The following SYN2 variants were observed in gnomAD, a reference collection of about 807,000 sequenced individuals.
The protein encoded by SYN2 is synapsin-2.
A neutral mutation model predicts 50.9 loss-of-function variants in SYN2; 19 were observed. That is an observed-to-expected ratio of 0.37 (90% CI 0.26 to 0.55). The LOEUF is 0.55. Among genes scored for constraint, SYN2 ranks in the 20% least tolerant of loss-of-function variants. The pLI, the probability that SYN2 is intolerant of heterozygous loss-of-function variation, is 0.81. For synonymous variants in SYN2, 255 were observed against 224.9 expected (o/e 1.13, Z -1.20); for missense variants, 587 against 576.4 (o/e 1.02, Z -0.19).
chr3:12,167,575 T>C (rs137886308), intron 8 of SYN2, among the ~76,000 whole-genome samples: 3,501 of 151,928 alleles, frequency 0.023, 71 homozygotes, highest in Non-Finnish European at 0.03. Context: ...TTTTGTACAG[T>C]CTGCAGAACC....
chr3:12,152,707 A>C (rs1250919196), intron 5 of SYN2, among the ~76,000 whole-genome samples: 1 of 152,204 alleles, frequency 6.6e-6, no homozygotes, highest in Non-Finnish European at 1.5e-5. Flanking sequence ...TGTAAGAAAA[A>C]GGCTTTGTGG....
At chr3:12,169,547 C>A (rs572653579) in intron 9 of SYN2, among the ~76,000 whole-genome samples, 1 of 152,086 alleles carries the variant, frequency 6.6e-6, no homozygotes, top group African/African-American at 2.4e-5. Context: ...ACGGGTAAAG[C>A]TTGGGGAAAA....
At position 12,187,405 on chromosome 3, in the gene SYN2, G is replaced by A; in HGVS notation, c.1406G>A (p.Gly469Asp). 4 of 1,550,432 alleles carry A rather than the reference G, an allele frequency of 2.6e-6. No homozygotes were observed. The highest frequency in any genetic ancestry group is 3.5e-6 in the Non-Finnish European group (4 of 1,145,876). ...CAACCCCAAGGAATGCAGCCCCCAG[G>A]CAAGGTGCTGCCTCCACGCCGGCTC... is the stretch of plus-strand genomic sequence containing the variant. ...PGQPQGMQPP[G>D]KVLPPRRLPP... The change falls in exon 12 of 13, where the codon GGC becomes GAC. Residue 469 changes from glycine (G) to aspartate (D), a missense_variant. By Grantham distance (94) the Gly-to-Asp change is moderately conservative. Coordinates refer to ENST00000621198, the MANE Select transcript of SYN2 (RefSeq NM_133625.6).
chr3:12,161,910 G>A (rs115831878), intron 6 of SYN2, 102 bp from the exon 7 acceptor site: 327 of 1,494,258 alleles, frequency 2.2e-4, no homozygotes, highest in Non-Finnish European at 2.4e-4. Context: ...TGTCTGGATC[G>A]GATACATATT....
At chr3:12,183,895 A>G (rs935094257) in intron 11 of SYN2, 28 of 1,016,752 alleles carry the variant, frequency 2.8e-5, no homozygotes, top group East Asian at 2.2e-4. Flanking sequence ...TCCCTCCACC[A>G]GTGTGCTTGG....
intron 7 of SYN2, among the ~76,000 whole-genome samples, chr3:12,166,216 T>C (rs1221944423): frequency 3.3e-5 from 5 of 152,200 alleles, no homozygotes; most frequent in Non-Finnish European, 5.9e-5. Flanking sequence ...TCTAACAGTA[T>C]TGAATGATAA....
Position 12,014,427 on chromosome 3 carries a change from A to T in SYN2, c.377+9499A>T, listed in dbSNP as rs545647860. Among the ~76,000 whole-genome samples, 5 of 152,306 alleles carry T rather than the reference A, an allele frequency of 3.3e-5. No homozygotes were observed. The South Asian group carries it at 1.0e-3, about 32-fold the overall frequency. ...TGCTTTCACTCTTATGTCCTATGAA[A>T]TATAAATTAATTACTAATTTTCAAC... is the stretch of plus-strand genomic sequence containing the variant. On this transcript the variant is annotated intron_variant, in intron 1 of 12. Coordinates refer to ENST00000621198, the MANE Select transcript of SYN2 (RefSeq NM_133625.6).
chr3:12,119,023 C>T (rs1022565114), intron 1 of SYN2, among the ~76,000 whole-genome samples: 1 of 152,176 alleles, frequency 6.6e-6, no homozygotes, highest in Non-Finnish European at 1.5e-5. Context: ...CTCATTTGCA[C>T]TTGTGGTTGA....
intron 1 of SYN2, among the ~76,000 whole-genome samples, chr3:12,072,842 G>A (rs1002836374): frequency 6.6e-6 from 1 of 152,094 alleles, no homozygotes; most frequent in African/African-American, 2.4e-5. Flanking sequence ...CCACGGGCTT[G>A]ATCTCTGTGT....
At chr3:12,009,051 G>A (rs1693861016) in intron 1 of SYN2, among the ~76,000 whole-genome samples, 1 of 152,168 alleles carries the variant, frequency 6.6e-6, no homozygotes, top group Non-Finnish European at 1.5e-5. Context: ...ACTTGAATTT[G>A]AACTTGAAAG....
chr3:12,093,076 A>G (rs906878269), intron 1 of SYN2, among the ~76,000 whole-genome samples: 3 of 152,194 alleles, frequency 2.0e-5, no homozygotes, highest in Non-Finnish European at 4.4e-5. Context: ...TTTTCTCATC[A>G]GTAAAATAAC....
At chr3:12,167,370 A>T in intron 8 of SYN2, 62 bp downstream of exon 8, 1 of 1,519,580 alleles carries the variant, frequency 6.6e-7, no homozygotes, top group Non-Finnish European at 9.0e-7. Context: ...TTAGATGAAG[A>T]AGTTTAGGAA....
chr3:12,152,313 C>T (rs573348394), intron 5 of SYN2, among the ~76,000 whole-genome samples: 64 of 152,316 alleles, frequency 4.2e-4, no homozygotes, highest in Middle Eastern at 3.4e-3. Context: ...AAACTCTAAG[C>T]TCTTGTCCTT....
intron 1 of SYN2, among the ~76,000 whole-genome samples, chr3:12,055,673 CTT>C: frequency 6.6e-6 from 1 of 152,222 alleles, no homozygotes; most frequent in East Asian, 1.9e-4. Context: ...AGGCAGAAGT[CTT>C]TTACATATTT....
At chr3:12,128,000 C>T (rs1205756995) in intron 1 of SYN2, among the ~76,000 whole-genome samples, 1 of 151,882 alleles carries the variant, frequency 6.6e-6, no homozygotes, top group Non-Finnish European at 1.5e-5. Context: ...GGCTGGAGTG[C>T]AGTGGTGTGA....
intron 5 of SYN2, among the ~76,000 whole-genome samples, chr3:12,161,121 T>C (rs1346056997): frequency 1.3e-5 from 2 of 152,198 alleles, no homozygotes; most frequent in African/African-American, 4.8e-5. Flanking sequence ...AGAGGGTACA[T>C]GCTGACAGGG....
chr3:12,176,033 G>A (rs1574887885), intron 10 of SYN2, among the ~76,000 whole-genome samples: 1 of 152,178 alleles, frequency 6.6e-6, no homozygotes, highest in South Asian at 2.1e-4. Context: ...TTCTCGAGGT[G>A]GCAGTGACAC....
At chr3:12,140,244 A>G (rs1696982729) in intron 1 of SYN2, among the ~76,000 whole-genome samples, 1 of 152,236 alleles carries the variant, frequency 6.6e-6, no homozygotes, top group South Asian at 2.1e-4. Context: ...TTTAAAAACT[A>G]AAAATCCAAG....
At chr3:12,039,576 C>A (rs935281803) in intron 1 of SYN2, among the ~76,000 whole-genome samples, 66 of 65,348 alleles carry the variant, frequency 1.0e-3, no homozygotes, top group East Asian at 3.4e-3. Flanking sequence ...TTTTTTTTGT[C>A]ATTCAGCATT....
Sources: allele counts gnomAD v4.1 joint callset (sites outside exome capture counted in the v4.1 genomes callset), GRCh38; gene constraint gnomAD v4.1.1; transcripts MANE v1.5; gene names NCBI Gene and HGNC (gene_info 2026-07-23, HGNC 2026-07-21).